The following RYR2 variants were observed in gnomAD, a reference collection of about 807,000 sequenced individuals.
RYR2 encodes the protein cardiac muscle ryanodine receptor-calcium release channel.
A neutral mutation model predicts 601.1 loss-of-function variants in RYR2; 227 were observed. That is an observed-to-expected ratio of 0.38 (90% CI 0.34 to 0.42). The LOEUF is 0.42. RYR2 is among the 10% of genes least tolerant of loss of function. RYR2 has a pLI of 1.00. For synonymous variants in RYR2, 2,223 were observed against 2,175.1 expected, an observed-to-expected ratio of 1.02 and a Z score of -0.61; for missense variants, 4,646 against 6,156.5, an observed-to-expected ratio of 0.75 and a Z score of 8.21.
At chr1:237,211,633 CA>C (rs1271050398) in intron 1 of RYR2, among the ~76,000 whole-genome samples, 1 of 152,194 alleles carries the variant, frequency 6.6e-6, no homozygotes, top group Non-Finnish European at 1.5e-5. Flanking sequence ...AATTTCATTG[CA>C]ATGGATTTAT....
Position 237,816,911 on chromosome 1 carries a change from A to G in RYR2, c.14434-2125A>G, listed in dbSNP as rs114889723. On this transcript the variant is annotated intron_variant, in intron 100 of 104. Coordinates refer to ENST00000366574, the MANE Select transcript of RYR2 (RefSeq NM_001035.3). ...GGATGGTCTGTAAGATTTTACTTCCAGAGATTGACTCAGTAGGTAGTACCA... is the reference window on the plus strand; with the variant it reads ...GGATGGTCTGTAAGATTTTACTTCCGGAGATTGACTCAGTAGGTAGTACCA... Among the ~76,000 whole-genome samples, 492 of 152,236 alleles carry G rather than the reference A, an allele frequency of 3.2e-3. 2 individuals are homozygous for G. The highest frequency in any genetic ancestry group is 0.011 in the African/African-American group (466 of 41,552).
chr1:237,781,731 G>A (rs1438486458), intron 89 of RYR2, 85 bp downstream of exon 89: 1 of 608,888 alleles, frequency 1.6e-6, no homozygotes, highest in Non-Finnish European at 2.8e-6. Context: ...GTGTAGCATA[G>A]AATAAAATAG....
At chr1:237,485,355 C>T (rs1662572443) in intron 17 of RYR2, among the ~76,000 whole-genome samples, 1 of 152,068 alleles carries the variant, frequency 6.6e-6, no homozygotes, top group Non-Finnish European at 1.5e-5. Flanking sequence ...GATGACCTTC[C>T]CTGGGTCAGA....
intron 16 of RYR2, among the ~76,000 whole-genome samples, chr1:237,465,090 G>GCACACACA (rs10610645): frequency 4.0e-5 from 6 of 150,226 alleles, no homozygotes; most frequent in African/African-American, 1.2e-4. Flanking sequence ...ACACACACAT[G>GCACACACA]CACACACACA....
At chr1:237,664,345 GA>G (rs1040193188) in intron 56 of RYR2, among the ~76,000 whole-genome samples, 1 of 152,102 alleles carries the variant, frequency 6.6e-6, no homozygotes, top group Non-Finnish European at 1.5e-5. Flanking sequence ...TGATGAAATG[GA>G]AAAAAATCTC....
intron 101 of RYR2, among the ~76,000 whole-genome samples, chr1:237,821,633 A>G (rs943195624): frequency 1.3e-5 from 2 of 151,980 alleles, no homozygotes; most frequent in Non-Finnish European, 2.9e-5. Context: ...AAGTATCACA[A>G]CTCCTCGCCA....
chr1:237,313,611 A>C (rs1694792829), intron 2 of RYR2, among the ~76,000 whole-genome samples: 1 of 152,232 alleles, frequency 6.6e-6, no homozygotes, highest in South Asian at 2.1e-4. Context: ...TAGCCTAATT[A>C]CACTAATTTC....
At chr1:237,585,435 G>A (rs934586913) in intron 29 of RYR2, among the ~76,000 whole-genome samples, 2 of 152,090 alleles carry the variant, frequency 1.3e-5, no homozygotes, top group African/African-American at 4.8e-5. Flanking sequence ...ATTTATTGGC[G>A]ACCTCTTCAT....
At chr1:237,494,616 A>G (rs767011657) in intron 19 of RYR2, among the ~76,000 whole-genome samples, 3 of 152,208 alleles carry the variant, frequency 2.0e-5, no homozygotes, top group Non-Finnish European at 2.9e-5. Flanking sequence ...AGTATGAACC[A>G]TCACATCCCT....
chr1:237,513,630 C>T (rs939336208), intron 24 of RYR2, among the ~76,000 whole-genome samples: 6 of 152,304 alleles, frequency 3.9e-5, no homozygotes, highest in East Asian at 1.9e-4. Flanking sequence ...CCTAGTGCAA[C>T]GCACTACCTT....
intron 3 of RYR2, among the ~76,000 whole-genome samples, chr1:237,332,315 A>T (rs1021343365): frequency 5.9e-5 from 9 of 152,204 alleles, no homozygotes; most frequent in Non-Finnish European, 1.3e-4. Context: ...ACTATTAAGT[A>T]GGGAAGAGAA....
At chr1:237,118,208 G>A (rs1164516778) in intron 1 of RYR2, among the ~76,000 whole-genome samples, 30 of 152,022 alleles carry the variant, frequency 2.0e-4, no homozygotes, top group Admixed American at 2.0e-3. Flanking sequence ...ACGTCTTTGA[G>A]AATTTTTTTT....
intron 99 of RYR2, among the ~76,000 whole-genome samples, chr1:237,808,171 T>C (rs1660851552): frequency 6.6e-6 from 1 of 152,206 alleles, no homozygotes; most frequent in Non-Finnish European, 1.5e-5. Flanking sequence ...GGCCATTGTT[T>C]ACAAAGCAAG....
At chr1:237,152,334 T>C (rs767764095) in intron 1 of RYR2, among the ~76,000 whole-genome samples, 3 of 152,222 alleles carry the variant, frequency 2.0e-5, no homozygotes, top group Non-Finnish European at 4.4e-5. Context: ...TGTATCTTTA[T>C]AGTAGAATGA....
At chr1:237,122,518 C>A (rs1670910100) in intron 1 of RYR2, among the ~76,000 whole-genome samples, 1 of 152,086 alleles carries the variant, frequency 6.6e-6, no homozygotes, top group African/African-American at 2.4e-5. Context: ...CCCGTTTCTA[C>A]TAAAAATAGA....
At chr1:237,445,096 C>A (rs1213663887) in intron 13 of RYR2, among the ~76,000 whole-genome samples, 1 of 152,104 alleles carries the variant, frequency 6.6e-6, no homozygotes, top group Non-Finnish European at 1.5e-5. Flanking sequence ...GCTTGTAATT[C>A]TAGCTATTCA....
chr1:237,181,004 G>T (rs1310128948), intron 1 of RYR2, among the ~76,000 whole-genome samples: 1 of 151,204 alleles, frequency 6.6e-6, no homozygotes, highest in Non-Finnish European at 1.5e-5. Flanking sequence ...ATTTTTTTAA[G>T]ACAGAGCCTC....
At chr1:237,122,203 A>C (rs565469256) in intron 1 of RYR2, among the ~76,000 whole-genome samples, 1 of 152,370 alleles carries the variant, frequency 6.6e-6, no homozygotes, top group East Asian at 1.9e-4. Context: ...AGAGGGAAGC[A>C]ACCCACCGGG....
chr1:237,095,608 G>T (rs928967831), intron 1 of RYR2, among the ~76,000 whole-genome samples: 1 of 152,238 alleles, frequency 6.6e-6, no homozygotes, highest in Non-Finnish European at 1.5e-5. Context: ...CCTGGTGACT[G>T]GAGATCAAGG....
Sources: allele counts gnomAD v4.1 joint callset (sites outside exome capture counted in the v4.1 genomes callset), GRCh38; gene constraint gnomAD v4.1.1; transcripts MANE v1.5; gene names NCBI Gene and HGNC (gene_info 2026-07-23, HGNC 2026-07-21).